The following KIAA0586 variants were observed in gnomAD, a reference collection of about 807,000 sequenced individuals.
KIAA0586 encodes the protein KIAA0586, also known as protein TALPID3.
In KIAA0586, 144 loss-of-function variants were observed where a neutral mutation model predicts 169.8. The observed-to-expected ratio is 0.85, with a 90% CI of 0.74 to 0.97. The LOEUF is 0.97. Among genes scored for constraint, KIAA0586 ranks in the 50% least tolerant of loss-of-function variants. The pLI is 0.00. For synonymous variants in KIAA0586, 625 were observed against 612.4 expected (o/e 1.02, Z -0.30); for missense variants, 1,854 against 1,823.0 (o/e 1.02, Z -0.31).
chr14:58,522,337 G>C (rs558466203), intron 29 of KIAA0586, among the ~76,000 whole-genome samples: 4 of 152,274 alleles, frequency 2.6e-5, no homozygotes, highest in African/African-American at 9.6e-5. Flanking sequence ...TCATACGTAA[G>C]TTCAGTAGTT....
chr14:58,459,794 A>T (rs200485943), intron 12 of KIAA0586, 49 bp from the exon 13 acceptor site: 4 of 1,031,358 alleles, frequency 3.9e-6, no homozygotes, highest in Non-Finnish European at 5.5e-6. Context: ...ATGTGAAAGC[A>T]TTACTATTTG....
At position 58,549,775 on chromosome 14, in the gene KIAA0586, C is replaced by T. The variant is rs551511793; in HGVS notation, c.*1843C>T. 6.6e-6 allele frequency: 1 copy of T among 152,190 alleles called. No homozygotes were observed. The highest frequency in any genetic ancestry group is 1.5e-5 in the Non-Finnish European group (1 of 68,042). 9.4% of individuals were successfully genotyped at this position (152,190 alleles called of 1,614,324 possible). A position where few individuals can be genotyped will look rare whatever the true frequency, so the allele number is the denominator to read the frequency against. On this transcript the variant is annotated 3_prime_UTR_variant, in exon 31 of 31. Coordinates refer to ENST00000652326, the MANE Select transcript of KIAA0586 (RefSeq NM_001329943.3). ...ATTTTAAACATGACACCCCACCCCC[C>T]AACCTTGGTTTCTGGTTTTCATAGT...
At chr14:58,504,844 A>G (rs1749004) in intron 27 of KIAA0586, among the ~76,000 whole-genome samples, 149,103 of 152,214 alleles carry the variant, frequency 0.98, 73,098 homozygotes, top group Non-Finnish European at 1. Context: ...TGTACTCTCT[A>G]TAATTCTCTA....
intron 29 of KIAA0586, among the ~76,000 whole-genome samples, chr14:58,522,142 A>G (rs1364304541): frequency 2.0e-5 from 3 of 152,120 alleles, no homozygotes; most frequent in Non-Finnish European, 4.4e-5. Flanking sequence ...TCATTAATTC[A>G]TAGTGCCCTG....
downstream of KIAA0586, among the ~76,000 whole-genome samples, chr14:58,556,231 C>T (rs1477049653): frequency 6.6e-6 from 1 of 152,214 alleles, no homozygotes; most frequent in Non-Finnish European, 1.5e-5. Flanking sequence ...TTCATTCATC[C>T]ACTTGGGCAG....
intron 29 of KIAA0586, among the ~76,000 whole-genome samples, chr14:58,531,946 A>G (rs1461235882): frequency 6.6e-6 from 1 of 152,154 alleles, no homozygotes; most frequent in Non-Finnish European, 1.5e-5. Flanking sequence ...TAGGAAATCA[A>G]ACACCTCATG....
intron 20 of KIAA0586, among the ~76,000 whole-genome samples, chr14:58,482,291 T>G (rs1483781983): frequency 2.0e-5 from 3 of 151,912 alleles, no homozygotes; most frequent in African/African-American, 7.2e-5. Flanking sequence ...CCAGGCATGG[T>G]GACGCGTGCC....
At chr14:58,445,126 TACACAC>T (rs140476366) in intron 6 of KIAA0586, among the ~76,000 whole-genome samples, 2 of 144,166 alleles carry the variant, frequency 1.4e-5, no homozygotes, top group Non-Finnish European at 3.1e-5. Flanking sequence ...CACACATACA[TACACAC>T]ACACACACAC....
At chr14:58,496,072 T>C (rs987981248) in intron 26 of KIAA0586, among the ~76,000 whole-genome samples, 10 of 152,216 alleles carry the variant, frequency 6.6e-5, no homozygotes, top group Non-Finnish European at 1.5e-4. Flanking sequence ...CATTATAAGT[T>C]AAAATATTGC....
At chr14:58,529,684 C>CT (rs947542727) in intron 29 of KIAA0586, among the ~76,000 whole-genome samples, 3 of 152,122 alleles carry the variant, frequency 2.0e-5, no homozygotes, top group Non-Finnish European at 4.4e-5. Context: ...TCTCAATAAA[C>CT]TATCTATTGA....
At chr14:58,494,089 A>T (rs2042997281) in intron 26 of KIAA0586, among the ~76,000 whole-genome samples, 5 of 150,996 alleles carry the variant, frequency 3.3e-5, no homozygotes, top group Non-Finnish European at 3.0e-5. Context: ...ATTTATCTTC[A>T]TTCTTTCTTT....
intron 29 of KIAA0586, among the ~76,000 whole-genome samples, chr14:58,524,325 A>G (rs1306263610): frequency 1.3e-5 from 2 of 152,360 alleles, no homozygotes; most frequent in East Asian, 1.9e-4. Context: ...TAGTCTTATT[A>G]TGCATATAGG....
At chr14:58,432,265 C>T (rs1035086957) in intron 3 of KIAA0586, 123 bp from the exon 4 acceptor site, 10 of 606,082 alleles carry the variant, frequency 1.6e-5, no homozygotes, top group Admixed American at 1.1e-4. Context: ...CCTTTTCGAT[C>T]GTGGAATGCT....
downstream of KIAA0586, among the ~76,000 whole-genome samples, chr14:58,554,565 G>GA (rs2047233135): frequency 1.3e-5 from 2 of 152,194 alleles, no homozygotes. Context: ...GTCCTAGAGA[G>GA]AAAATCTGCA....
chr14:58,463,241 T>A (rs1487232954), intron 14 of KIAA0586, among the ~76,000 whole-genome samples: 2 of 152,220 alleles, frequency 1.3e-5, no homozygotes, highest in Non-Finnish European at 2.9e-5. Context: ...CTCCTCACTC[T>A]GCCATATTGT....
rs1223294098 is a variant in KIAA0586 at position 58,515,899 on chromosome 14, A to T, written c.4429+3272A>T. 2.8e-3 allele frequency among the ~76,000 whole-genome samples: 427 copies of T among 152,180 alleles called. 4 individuals carry two copies. The highest frequency in any genetic ancestry group is 9.9e-3 in the African/African-American group (409 of 41,516). ...TTCACCCTAACTATAATAAAATGTC[A>T]GATAAACTACAAAATCATTAACATT... On this transcript the variant is annotated intron_variant, in intron 29 of 30. Coordinates refer to ENST00000652326, the MANE Select transcript of KIAA0586 (RefSeq NM_001329943.3).
rs1043486991 is a variant in KIAA0586, at chr14:58,427,736, C to G, written c.-529C>G. The G allele has an allele frequency of 2.0e-6, 3 of 1,534,080 alleles. No individual in the cohort carries two copies. The highest frequency in any genetic ancestry group is 2.6e-6 in the Non-Finnish European group (3 of 1,146,516). Reference sequence around the variant, plus strand: ...CAACTGACGCTGTTGTCAGATTACACCCACGACGGTGCGGGTCTCGGGCGT... The same window carrying G: ...CAACTGACGCTGTTGTCAGATTACAGCCACGACGGTGCGGGTCTCGGGCGT... On this transcript the variant is annotated 5_prime_UTR_variant, in exon 1 of 31. Transcript: ENST00000652326.
chr14:58,468,879 T>C (rs2040982854), intron 16 of KIAA0586, among the ~76,000 whole-genome samples: 1 of 152,236 alleles, frequency 6.6e-6, no homozygotes, highest in Admixed American at 6.5e-5. Flanking sequence ...GTTCCTCTTT[T>C]GATTGAGCCA....
intron 7 of KIAA0586, 38 bp from the exon 8 acceptor site, chr14:58,450,541 A>G: frequency 7.8e-7 from 1 of 1,280,192 alleles, no homozygotes; most frequent in Non-Finnish European, 1.1e-6. Context: ...AAAGCTTTTT[A>G]AAAGCAAGTT....
Sources: gnomAD v4.1 joint callset for allele counts (sites outside exome capture counted in the v4.1 genomes callset) on GRCh38, gnomAD v4.1.1 for gene constraint, MANE v1.5 for transcripts, NCBI Gene and HGNC (gene_info 2026-07-23, HGNC 2026-07-21) for gene names.